Variants in PRDM16 observed in about 807,000 individuals in gnomAD.
PRDM16 encodes PR/SET domain 16, also known as histone-lysine N-methyltransferase PRDM16.
In PRDM16, 23 loss-of-function variants were observed where a neutral mutation model predicts 110.6. The ratio of observed to expected loss-of-function variants is 0.21; its 90% CI spans 0.15 to 0.29. PRDM16 has a LOEUF of 0.29. Among genes scored for constraint, PRDM16 ranks in the 10% least tolerant of loss-of-function variants. The pLI, the probability that PRDM16 is intolerant of heterozygous loss-of-function variation, is 1.00. For synonymous variants in PRDM16, 799 were observed against 781.8 expected (o/e 1.02, Z -0.37); for missense variants, 1,615 against 1,794.3 (o/e 0.90, Z 1.81).
chr1:3,181,955 T>C (rs1644214626), intron 1 of PRDM16, among the ~76,000 whole-genome samples: 2 of 152,076 alleles, frequency 1.3e-5, no homozygotes, highest in African/African-American at 4.8e-5. Flanking sequence ...CACACAGTCT[T>C]ACACATGCCT....
rs1026885238 is a variant in PRDM16, at chr1:3,150,477, G to A, written c.38-35648G>A. On this transcript the variant is annotated intron_variant, in intron 1 of 16. Transcript: ENST00000270722. ...GGGAGGTAAGGTGGGAGAATCACTC[G>A]AACCCAGGAGGCGGAGATTGCAGTG... 2.6e-5 allele frequency among the ~76,000 whole-genome samples: 4 copies of A among 151,958 alleles called. No homozygotes were observed. The East Asian group carries it at 7.7e-4, about 29-fold the overall frequency.
At chr1:3,380,430 G>C (rs1490985552) in intron 3 of PRDM16, among the ~76,000 whole-genome samples, 1 of 152,104 alleles carries the variant, frequency 6.6e-6, no homozygotes, top group African/African-American at 2.4e-5. Flanking sequence ...GGGACAAGGA[G>C]AAATGGCTGG....
intron 3 of PRDM16, among the ~76,000 whole-genome samples, chr1:3,268,898 A>G (rs1398728242): frequency 1.3e-5 from 2 of 152,336 alleles, no homozygotes; most frequent in Middle Eastern, 3.4e-3. Context: ...CGCCAAGCCA[A>G]CTTCAGCTGC....
intron 1 of PRDM16, among the ~76,000 whole-genome samples, chr1:3,073,979 GC>G (rs1641830239): frequency 6.6e-6 from 1 of 152,202 alleles, no homozygotes; most frequent in African/African-American, 2.4e-5. Flanking sequence ...CCCGACCCGC[GC>G]CCCGAGAGAC....
intron 1 of PRDM16, among the ~76,000 whole-genome samples, chr1:3,166,535 C>T (rs1643958939): frequency 6.6e-6 from 1 of 152,244 alleles, no homozygotes; most frequent in Non-Finnish European, 1.5e-5. Flanking sequence ...GAATACAACC[C>T]CAGGGAACAC....
intron 3 of PRDM16, among the ~76,000 whole-genome samples, chr1:3,254,387 A>G (rs1395714114): frequency 6.6e-6 from 1 of 152,102 alleles, no homozygotes; most frequent in African/African-American, 2.4e-5. Flanking sequence ...TTTGCAGATG[A>G]CATGATTGTA....
chr1:3,362,941 C>T (rs1220441220), intron 3 of PRDM16, among the ~76,000 whole-genome samples: 1 of 152,208 alleles, frequency 6.6e-6, no homozygotes, highest in African/African-American at 2.4e-5. Context: ...CTTTCCAGCT[C>T]AGCGTGGTCT....
rs78217853 is a variant in PRDM16, at chr1:3,228,271, G to A, written c.388-15816G>A. 2.0e-3 allele frequency among the ~76,000 whole-genome samples: 305 copies of A among 152,310 alleles called. 4 individuals carry two copies. Among genetic ancestry groups the A allele is most frequent in the African/African-American group, 7.2e-3 (299 of 41,576 alleles). On this transcript the variant is annotated intron_variant, in intron 2 of 16. Transcript: ENST00000270722. ...TGCGTTCACTCGCGATAAACGAGACGCCTTGAAAGTGGAACAGGATCCCAC... is the reference window on the plus strand; with the variant it reads ...TGCGTTCACTCGCGATAAACGAGACACCTTGAAAGTGGAACAGGATCCCAC...
chr1:3,124,337 A>C (rs778716088), intron 1 of PRDM16, among the ~76,000 whole-genome samples: 2 of 152,248 alleles, frequency 1.3e-5, no homozygotes, highest in Non-Finnish European at 2.9e-5. Flanking sequence ...CCTGTTTTGC[A>C]GAGAGCTCTT....
intron 14 of PRDM16, among the ~76,000 whole-genome samples, chr1:3,428,045 A>T (rs1202665715): frequency 1.3e-5 from 2 of 152,188 alleles, no homozygotes; most frequent in Admixed American, 6.5e-5. Flanking sequence ...AGGCCAGGCG[A>T]GGAACAAGTG....
intron 3 of PRDM16, among the ~76,000 whole-genome samples, chr1:3,304,026 C>T (rs2100396826): frequency 6.7e-6 from 1 of 148,500 alleles, no homozygotes; most frequent in East Asian, 2.0e-4. Context: ...TGACATGGGA[C>T]CCCAGCCAAG....
At position 3,206,238 on chromosome 1, in the gene PRDM16, A is replaced by G. The variant is rs1638750317; in HGVS notation, c.387+19764A>G. ...TGACCTGGCCAGGCCACTCCTCTGGAGATCCTCCCTGTGAACCACCCACAG... is the reference window on the plus strand; with the variant it reads ...TGACCTGGCCAGGCCACTCCTCTGGGGATCCTCCCTGTGAACCACCCACAG... On this transcript the variant is annotated intron_variant, in intron 2 of 16. Coordinates refer to ENST00000270722, the MANE Select transcript of PRDM16 (RefSeq NM_022114.4). The surrounding 1 kb of genome is among the most constrained non-coding windows in gnomAD (Gnocchi z 4.9). 6.6e-6 allele frequency: 1 copy of G among 152,312 alleles called. No individual in the cohort carries two copies. The highest frequency in any genetic ancestry group is 1.5e-5 in the Non-Finnish European group (1 of 68,114). 9.4% of individuals were successfully genotyped at this position (152,312 alleles called of 1,614,324 possible).
At chr1:3,312,348 C>G (rs979617062) in intron 3 of PRDM16, among the ~76,000 whole-genome samples, 2 of 152,180 alleles carry the variant, frequency 1.3e-5, no homozygotes, top group Admixed American at 6.5e-5. Flanking sequence ...CTCACTGGGC[C>G]GGTGACATGA....
chr1:3,074,234 C>A (rs920942834), intron 1 of PRDM16, among the ~76,000 whole-genome samples: 1 of 152,140 alleles, frequency 6.6e-6, no homozygotes, highest in African/African-American at 2.4e-5. Context: ...CGAGCAGGCA[C>A]CACTTTTGAG....
intron 3 of PRDM16, among the ~76,000 whole-genome samples, chr1:3,304,214 G>T (rs1570029652): frequency 7.1e-6 from 1 of 140,132 alleles, no homozygotes; most frequent in Non-Finnish European, 1.5e-5. Context: ...CCAAGCCCTG[G>T]TGTGCCTTCT....
rs1638951971 is a variant in PRDM16, at chr1:3,213,590, G to A, written c.387+27116G>A. Among the ~76,000 whole-genome samples the A allele has an allele frequency of 6.6e-6, 1 of 152,132 alleles. No homozygotes were observed. Among genetic ancestry groups the A allele is most frequent in the South Asian group, 2.1e-4 (1 of 4,824 alleles). On this transcript the variant is annotated intron_variant, in intron 2 of 16. Coordinates refer to ENST00000270722, the MANE Select transcript of PRDM16 (RefSeq NM_022114.4). The surrounding 1 kb of genome is among the most constrained non-coding windows in gnomAD (Gnocchi z 5.3). ...CACCTGGAACTCACTCTTTCTCCGA[G>A]GAACAGGAGCAAGTGCGGCATTCTG...
At chr1:3,403,828 A>G (rs1046985346) in intron 6 of PRDM16, among the ~76,000 whole-genome samples, 1 of 152,174 alleles carries the variant, frequency 6.6e-6, no homozygotes, top group Non-Finnish European at 1.5e-5. Flanking sequence ...AGCAAAGCCC[A>G]TCAGGCCACT....
At chr1:3,177,628 G>T (rs1290554223) in intron 1 of PRDM16, among the ~76,000 whole-genome samples, 2 of 152,196 alleles carry the variant, frequency 1.3e-5, no homozygotes, top group Non-Finnish European at 2.9e-5. Context: ...CCAGGAGAGC[G>T]AGCCAACGTC....
chr1:3,423,364 G>A (rs1317256156), intron 12 of PRDM16, among the ~76,000 whole-genome samples: 1 of 152,220 alleles, frequency 6.6e-6, no homozygotes, highest in African/African-American at 2.4e-5. Context: ...CACCCGGAAG[G>A]TGTGGGACTG....
Sources: gnomAD v4.1 joint callset for allele counts (sites outside exome capture counted in the v4.1 genomes callset) on GRCh38, gnomAD v4.1.1 for gene constraint, Gnocchi (gnomAD v3.1) non-coding constraint, MANE v1.5 for transcripts, NCBI Gene and HGNC (gene_info 2026-07-23, HGNC 2026-07-21) for gene names.